ASTN2: variants seen among roughly 807,000 people sequenced by gnomAD.
ASTN2 encodes the protein astrotactin-2.
Under a neutral mutation model 139.8 loss-of-function variants are expected in ASTN2, and 54 were observed. That is an observed-to-expected ratio of 0.39 (90% confidence interval 0.31 to 0.48). The LOEUF is 0.48. Among genes scored for constraint, ASTN2 ranks in the 20% least tolerant of loss-of-function variants. The pLI, the probability that ASTN2 is intolerant of heterozygous loss-of-function variation, is 0.95. For synonymous variants in ASTN2, 756 were observed against 719.5 expected (o/e 1.05, Z -0.81); for missense variants, 1,565 against 1,725.1 (o/e 0.91, Z 1.64).
Position 117,252,237 on chromosome 9 carries a change from G to A in ASTN2, c.631-37495C>T, listed in dbSNP as rs886204471. Reference sequence around the variant, plus strand: ...AAGGGACAGTAGGATGCCCCCGAAAGTGAATTCTTCCTCCTTGCTTTGTGC... The same window carrying A: ...AAGGGACAGTAGGATGCCCCCGAAAATGAATTCTTCCTCCTTGCTTTGTGC... On this transcript the variant is annotated intron_variant, in intron 2 of 22. Transcript: ENST00000313400. 3.9e-5 allele frequency among the ~76,000 whole-genome samples: 6 copies of A among 152,332 alleles called. No homozygotes were observed. The East Asian group carries it at 1.2e-3, about 29-fold the overall frequency.
intron 1 of ASTN2, among the ~76,000 whole-genome samples, chr9:117,391,989 G>A (rs1479149227): frequency 1.3e-5 from 2 of 152,068 alleles, no homozygotes; most frequent in Non-Finnish European, 2.9e-5. Flanking sequence ...CTCACATCTG[G>A]GTTATGCTGA....
chr9:116,555,561 A>G (rs1013116036), intron 19 of ASTN2, among the ~76,000 whole-genome samples: 3 of 151,676 alleles, frequency 2.0e-5, no homozygotes, highest in Admixed American at 6.6e-5. Context: ...AGGCCATCAG[A>G]GCTCACAGAA....
intron 5 of ASTN2, among the ~76,000 whole-genome samples, chr9:117,086,269 AC>A (rs1377953868): frequency 6.6e-6 from 1 of 152,136 alleles, no homozygotes; most frequent in Non-Finnish European, 1.5e-5. Flanking sequence ...AACAAGAGAC[AC>A]CTAGGATTAA....
intron 19 of ASTN2, among the ~76,000 whole-genome samples, chr9:116,493,447 G>C (rs2119109613): frequency 6.6e-6 from 1 of 152,250 alleles, no homozygotes; most frequent in South Asian, 2.1e-4. Context: ...GAGTGGGCTG[G>C]GGCCAGACCC....
chr9:117,253,948 T>C (rs1019084496), intron 2 of ASTN2, among the ~76,000 whole-genome samples: 1 of 152,122 alleles, frequency 6.6e-6, no homozygotes, highest in Non-Finnish European at 1.5e-5. Flanking sequence ...CCAGGAAGCC[T>C]TTCTGAGTCT....
chr9:117,227,079 T>C (rs1285461020), intron 2 of ASTN2, among the ~76,000 whole-genome samples: 2 of 152,116 alleles, frequency 1.3e-5, no homozygotes, highest in African/African-American at 4.8e-5. Context: ...GTGGGTCTGA[T>C]GCTGGCTTCT....
At chr9:116,572,473 T>C (rs1023843143) in intron 19 of ASTN2, among the ~76,000 whole-genome samples, 8 of 152,216 alleles carry the variant, frequency 5.3e-5, no homozygotes, top group African/African-American at 1.9e-4. Context: ...GGGTCGCCTA[T>C]AATTTGCCGT....
intron 2 of ASTN2, among the ~76,000 whole-genome samples, chr9:117,236,094 T>A (rs1050584200): frequency 6.6e-6 from 1 of 152,118 alleles, no homozygotes; most frequent in African/African-American, 2.4e-5. Flanking sequence ...TAGAGCTAAG[T>A]AGCATTATAC....
intron 19 of ASTN2, among the ~76,000 whole-genome samples, chr9:116,511,066 T>A (rs912382802): frequency 6.6e-6 from 1 of 152,204 alleles, no homozygotes; most frequent in Non-Finnish European, 1.5e-5. Flanking sequence ...AGAGAGGGCA[T>A]CCCTGTCTTG....
At chr9:116,623,881 T>C (rs996318876) in intron 17 of ASTN2, among the ~76,000 whole-genome samples, 5 of 152,158 alleles carry the variant, frequency 3.3e-5, no homozygotes, top group African/African-American at 1.2e-4. Flanking sequence ...TCAGCCACTC[T>C]GCTTGGGTCA....
At chr9:117,112,993 A>T (rs945095655) in intron 4 of ASTN2, among the ~76,000 whole-genome samples, 8 of 152,272 alleles carry the variant, frequency 5.3e-5, no homozygotes, top group Middle Eastern at 3.4e-3. Flanking sequence ...AAGATCCTCA[A>T]CCTCTTTAGT....
chr9:116,694,202 T>C (rs1452414877), intron 16 of ASTN2, among the ~76,000 whole-genome samples: 1 of 152,136 alleles, frequency 6.6e-6, no homozygotes, highest in Admixed American at 6.5e-5. Context: ...AGCTTTTCAA[T>C]TGAAGGAGGG....
chr9:116,481,237 G>T (rs1409678570), intron 20 of ASTN2, among the ~76,000 whole-genome samples: 1 of 152,242 alleles, frequency 6.6e-6, no homozygotes. Flanking sequence ...AAAATTAGCT[G>T]GACATGATGG....
chr9:117,089,816 A>G (rs1828660378), intron 5 of ASTN2, among the ~76,000 whole-genome samples: 1 of 152,228 alleles, frequency 6.6e-6, no homozygotes. Flanking sequence ...ACTTAAAATA[A>G]TAGTCTCCAA....
At chr9:117,287,535 A>G (rs1834481558) in intron 2 of ASTN2, among the ~76,000 whole-genome samples, 1 of 152,214 alleles carries the variant, frequency 6.6e-6, no homozygotes. Context: ...AATGTCACGT[A>G]GATAGGTATT....
intron 4 of ASTN2, among the ~76,000 whole-genome samples, chr9:117,117,452 T>G (rs1264818623): frequency 6.6e-6 from 1 of 151,540 alleles, no homozygotes; most frequent in African/African-American, 2.4e-5. Context: ...ACAGGCTGTT[T>G]TAGGAAAGAA....
At chr9:117,340,562 A>G (rs2130864090) in intron 1 of ASTN2, among the ~76,000 whole-genome samples, 1 of 152,174 alleles carries the variant, frequency 6.6e-6, no homozygotes. Context: ...TGGAAACAGA[A>G]GAAGCTTGTT....
At chr9:116,502,730 G>GAAT in intron 19 of ASTN2, among the ~76,000 whole-genome samples, 1 of 21,272 alleles carries the variant, frequency 4.7e-5, no homozygotes, top group South Asian at 1.1e-3. Context: ...AAGGAAGGAA[G>GAAT]GAATGAATGA....
intron 16 of ASTN2, among the ~76,000 whole-genome samples, chr9:116,689,600 T>G (rs1860460661): frequency 6.6e-6 from 1 of 152,222 alleles, no homozygotes; most frequent in Admixed American, 6.5e-5. Context: ...TATTCCCGCT[T>G]TCCTTGCTTC....
Sources: allele counts gnomAD v4.1 joint callset (sites outside exome capture counted in the v4.1 genomes callset), GRCh38; gene constraint gnomAD v4.1.1; transcripts MANE v1.5; gene names NCBI Gene and HGNC (gene_info 2026-07-23, HGNC 2026-07-21).